FMN1: variants seen among roughly 807,000 people sequenced by gnomAD.
FMN1 encodes formin-1.
FMN1 carries 110 observed loss-of-function variants against 132.4 expected under a neutral mutation model. That is an observed-to-expected ratio of 0.83 (90% CI 0.71 to 0.97). The LOEUF is 0.97. Ranked by LOEUF, FMN1 falls within the 50% of genes least tolerant of loss-of-function variation. The probability of loss-of-function intolerance (pLI) is 0.00; values close to 1 mark genes in which losing one functional copy is unlikely to be tolerated. For missense variants in FMN1, 1,792 were observed against 1,705.3 expected, an observed-to-expected ratio of 1.05 and a Z score of -0.90; for synonymous variants, 722 against 651.7, an observed-to-expected ratio of 1.11 and a Z score of -1.64.
At chr15:33,004,265 A>C (rs2034284944) in intron 7 of FMN1, among the ~76,000 whole-genome samples, 2 of 152,206 alleles carry the variant, frequency 1.3e-5, no homozygotes, top group South Asian at 4.1e-4. Context: ...CAACCTACAG[A>C]ATGGGAGAAA....
rs370244413 is a variant in FMN1 at position 32,949,970 on chromosome 15, C to CATATATATATATATAT, written c.3138+14136_3138+14137insATATATATATATATAT. On this transcript the variant is annotated intron_variant, in intron 9 of 20. Transcript: ENST00000616417. ...ATATATATATATATATATATACACA[C>CATATATATATATATAT]ATATATATACACACACATATATATA... 1.1e-3 allele frequency among the ~76,000 whole-genome samples: 10 copies of CATATATATATATATAT among 8,734 alleles called. 2 individuals are homozygous for CATATATATATATATAT. Among genetic ancestry groups the CATATATATATATATAT allele is most frequent in the South Asian group, 4.7e-3 (1 of 212 alleles). 5.7% of individuals were successfully genotyped at this position (8,734 alleles called of 152,430 possible). A position where few individuals can be genotyped will look rare whatever the true frequency, so the allele number is the denominator to read the frequency against.
intron 17 of FMN1, among the ~76,000 whole-genome samples, 193 bp downstream of exon 17, chr15:32,856,822 A>G (rs2059143003): frequency 6.6e-6 from 1 of 152,238 alleles, no homozygotes; most frequent in African/African-American, 2.4e-5. Context: ...CTGGATTTGA[A>G]AGGTGATATG....
chr15:33,053,183 G>C (rs924183089), intron 6 of FMN1, among the ~76,000 whole-genome samples: 2 of 152,172 alleles, frequency 1.3e-5, no homozygotes, highest in South Asian at 4.1e-4. Flanking sequence ...CTCACTGGTG[G>C]ACGCCAGCCA....
Position 33,155,033 on chromosome 15 carries a change from G to A in FMN1, c.-119C>T, listed in dbSNP as rs1964616064. The A allele has an allele frequency of 2.7e-6, 2 of 731,396 alleles. No individual in the cohort carries two copies. Among genetic ancestry groups the A allele is most frequent in the South Asian group, 3.8e-5 (2 of 52,214 alleles). The allele number at this position is 731,396 out of a possible 1,614,324, so 45.3% of individuals were successfully genotyped here. On this transcript the variant is annotated 5_prime_UTR_variant, in exon 4 of 21. Transcript: ENST00000616417. Reference sequence around the variant, plus strand: ...AGAAAGCAGCTGACAGTCATCTCCAGCAATGAGACTGCCTGTTAGAGGAAC... The same window carrying A: ...AGAAAGCAGCTGACAGTCATCTCCAACAATGAGACTGCCTGTTAGAGGAAC...
At chr15:32,950,022 T>TATATATACACATACAC (rs1555503210) in intron 9 of FMN1, among the ~76,000 whole-genome samples, 81 of 3,356 alleles carry the variant, frequency 0.024, 25 homozygotes, top group Non-Finnish European at 0.058. Context: ...TATACACATA[T>TATATATACACATACAC]ATATATATAT....
At chr15:33,193,727 A>G (rs1309851595) in intron 2 of FMN1, among the ~76,000 whole-genome samples, 182 bp downstream of exon 2, 1 of 152,194 alleles carries the variant, frequency 6.6e-6, no homozygotes, top group Non-Finnish European at 1.5e-5. Context: ...TGATTAAAAT[A>G]AAGGGTTTTC....
intron 4 of FMN1, among the ~76,000 whole-genome samples, chr15:33,144,146 C>T (rs1443337099): frequency 1.3e-5 from 2 of 152,182 alleles, no homozygotes; most frequent in Non-Finnish European, 2.9e-5. Flanking sequence ...AGATTTCACA[C>T]TGAAATGACA....
At chr15:33,060,559 T>C (rs914812494) in intron 6 of FMN1, among the ~76,000 whole-genome samples, 5 of 152,206 alleles carry the variant, frequency 3.3e-5, no homozygotes, top group Non-Finnish European at 7.3e-5. Context: ...GAAAGATGTG[T>C]CTGCTGGAGA....
At chr15:32,820,303 T>A (rs765317630) in intron 17 of FMN1, among the ~76,000 whole-genome samples, 2 of 152,172 alleles carry the variant, frequency 1.3e-5, no homozygotes, top group Non-Finnish European at 2.9e-5. Flanking sequence ...CCTGAAACTT[T>A]GCGTTAACAG....
Position 32,969,012 on chromosome 15 carries a change from C to T in FMN1, c.2689G>A (p.Val897Met), listed in dbSNP as rs868276415. ...SLSPAPPMPP[V>M]SAGPPLPPPP... Reference sequence around the variant, plus strand: ...GGTGGTAGCGGTGGCCCAGCACTCACAGGTGGCATTGGAGGTGCGGGAGAC... The same window carrying T: ...GGTGGTAGCGGTGGCCCAGCACTCATAGGTGGCATTGGAGGTGCGGGAGAC... The change falls in exon 8 of 21, where the codon GTG (valine) becomes ATG (methionine). Residue 897 changes from valine to methionine, a missense_variant. Val to Met is a conservative substitution (Grantham distance 21, BLOSUM62 1). This residue lies in a region of FMN1 where 1,150 missense variants were observed against 1,043.1 expected (regional missense o/e 1.10). Transcript: ENST00000616417. 7.9e-7 allele frequency: 1 copy of T among 1,270,322 alleles called. No homozygotes were observed. The highest frequency in any genetic ancestry group is 1.1e-6 in the Non-Finnish European group (1 of 911,796). 78.7% of individuals were successfully genotyped at this position (1,270,322 alleles called of 1,614,324 possible). A position where few individuals can be genotyped will look rare whatever the true frequency, so the allele number is the denominator to read the frequency against.
intron 7 of FMN1, among the ~76,000 whole-genome samples, chr15:32,996,347 A>G (rs1282329709): frequency 6.6e-6 from 1 of 152,180 alleles, no homozygotes; most frequent in African/African-American, 2.4e-5. Context: ...GTTACATTGC[A>G]TTTTGTTTAA....
At chr15:32,806,979 C>T (rs950534695) in intron 17 of FMN1, among the ~76,000 whole-genome samples, 3 of 152,196 alleles carry the variant, frequency 2.0e-5, no homozygotes, top group Non-Finnish European at 4.4e-5. Context: ...CATGCAACAA[C>T]TGAATGTAAG....
At chr15:33,088,714 A>G in intron 5 of FMN1, 85 bp downstream of exon 5, 1 of 1,188,250 alleles carries the variant, frequency 8.4e-7, no homozygotes, top group Non-Finnish European at 1.1e-6. Context: ...GCAGCTTTAT[A>G]TACACAATTT....
intron 15 of FMN1, among the ~76,000 whole-genome samples, chr15:32,896,561 A>T (rs1342094764): frequency 1.3e-5 from 2 of 152,146 alleles, no homozygotes; most frequent in Admixed American, 1.3e-4. Context: ...GAAACGCCGT[A>T]TCCTCAATTC....
At chr15:32,825,023 G>A (rs2058328210) in intron 17 of FMN1, among the ~76,000 whole-genome samples, 1 of 152,114 alleles carries the variant, frequency 6.6e-6, no homozygotes, top group South Asian at 2.1e-4. Flanking sequence ...CTGGGATTTG[G>A]CTCCTCCTTT....
At chr15:32,930,200 A>G (rs957234491) in intron 9 of FMN1, among the ~76,000 whole-genome samples, 2 of 151,706 alleles carry the variant, frequency 1.3e-5, no homozygotes, top group Non-Finnish European at 2.9e-5. Flanking sequence ...TGTTAGCCAG[A>G]ATGGTCTCTA....
rs141483558 is a variant in FMN1 at position 33,068,314 on chromosome 15, T to C, written c.2044-3240A>G. ...CTCCTGGTGGCATTCAACTTCCTCATTGGTGAGCAAGTGAAGGCTTCTGAA... is the reference window on the plus strand; with the variant it reads ...CTCCTGGTGGCATTCAACTTCCTCACTGGTGAGCAAGTGAAGGCTTCTGAA... On this transcript the variant is annotated intron_variant, in intron 5 of 20. Coordinates refer to ENST00000616417, the MANE Select transcript of FMN1 (RefSeq NM_001277313.2). Among the ~76,000 whole-genome samples the C allele has an allele frequency of 1.8e-3, 275 of 152,300 alleles. 1 individual carries two copies. The highest frequency in any genetic ancestry group is 0.018 in the South Asian group (85 of 4,818).
chr15:32,996,309 GT>G (rs2033766846), intron 7 of FMN1, among the ~76,000 whole-genome samples: 1 of 152,176 alleles, frequency 6.6e-6, no homozygotes, highest in Admixed American at 6.5e-5. Flanking sequence ...TTACACACCT[GT>G]TTTTCTATCC....
chr15:32,926,597 T>A (rs990842669), intron 9 of FMN1, among the ~76,000 whole-genome samples: 2 of 152,214 alleles, frequency 1.3e-5, no homozygotes, highest in African/African-American at 4.8e-5. Context: ...TTTTCACTTA[T>A]CACTGGAATA....
Sources: gnomAD v4.1 joint callset for allele counts (sites outside exome capture counted in the v4.1 genomes callset) on GRCh38, gnomAD v4.1.1 for gene constraint, gnomAD v4.1.1 regional missense constraint, MANE v1.5 for transcripts, NCBI Gene and HGNC (gene_info 2026-07-23, HGNC 2026-07-21) for gene names.